Variants in BAHD1 observed in about 807,000 individuals in gnomAD.
The protein encoded by BAHD1 is bromo adjacent homology domain containing 1, also known as bromo adjacent homology domain-containing 1 protein.
Under a neutral mutation model 63.1 loss-of-function variants are expected in BAHD1, and 20 were observed. That is an observed-to-expected ratio of 0.32 (90% CI 0.22 to 0.46). BAHD1 has a LOEUF of 0.46. BAHD1 is among the 20% of genes least tolerant of loss of function. BAHD1 has a pLI of 1.00. For synonymous variants in BAHD1, 408 were observed against 426.8 expected (o/e 0.96, Z 0.54); for missense variants, 939 against 1,071.8 (o/e 0.88, Z 1.73).
chr15:40,440,180 G>C (rs1474248355), upstream of BAHD1, among the ~76,000 whole-genome samples: 1 of 152,190 alleles, frequency 6.6e-6, no homozygotes, highest in African/African-American at 2.4e-5. Flanking sequence ...TTCTGAAGAG[G>C]GTGAATTAGG....
upstream of BAHD1, among the ~76,000 whole-genome samples, chr15:40,437,796 G>A (rs1327585413): frequency 6.6e-6 from 1 of 152,184 alleles, no homozygotes; most frequent in East Asian, 1.9e-4. Context: ...GACTGCAGCG[G>A]GCAGTGGCGG....
At chr15:40,444,383 G>A (rs1176843548) in intron 1 of BAHD1, among the ~76,000 whole-genome samples, 1 of 152,120 alleles carries the variant, frequency 6.6e-6, no homozygotes, top group Admixed American at 6.5e-5. Context: ...GAGTCCTATG[G>A]ATTGCTTATG....
At chr15:40,451,169 A>T (rs564475353) in intron 1 of BAHD1, among the ~76,000 whole-genome samples, 1 of 150,490 alleles carries the variant, frequency 6.6e-6, no homozygotes, top group East Asian at 1.9e-4. Context: ...AAAAAAAAAA[A>T]AAACTTTAGC....
At chr15:40,439,964 A>G, upstream of BAHD1, 1 of 152,226 alleles carries the variant, frequency 6.6e-6, no homozygotes, top group African/African-American at 2.4e-5. Flanking sequence ...GGGGGAAGCC[A>G]GGTAAGTGTC....
chr15:40,458,063 G>A lies in BAHD1; in HGVS notation c.-14-388G>A, dbSNP rs1169746535. On this transcript the variant is annotated intron_variant, in intron 1 of 6. Transcript: ENST00000416165. The surrounding 1 kb of genome is among the most constrained non-coding windows in gnomAD (Gnocchi z 4.7). ...TACCACCCAGTCCCCCATCTTGGGA[G>A]GCTCTGTCTTCAGAGCCTCTTCCTA... 1.3e-5 allele frequency among the ~76,000 whole-genome samples: 2 copies of A among 152,136 alleles called. No individual in the cohort carries two copies. The highest frequency in any genetic ancestry group is 4.8e-5 in the African/African-American group (2 of 41,424).
chr15:40,464,410 C>A, intron 4 of BAHD1, 61 bp from the exon 5 acceptor site: 1 of 1,449,714 alleles, frequency 6.9e-7, no homozygotes, highest in South Asian at 1.2e-5. Flanking sequence ...GCCAGCCTCT[C>A]TGCCTGTCTA....
intron 1 of BAHD1, among the ~76,000 whole-genome samples, chr15:40,446,772 C>G (rs563422814): frequency 1.3e-5 from 2 of 152,262 alleles, no homozygotes; most frequent in African/African-American, 4.8e-5. Flanking sequence ...AAAAGAGGTG[C>G]TTTGACCTCC....
chr15:40,458,865 G>A lies in BAHD1; in HGVS notation c.401G>A (p.Arg134Gln), dbSNP rs768174255. Residue 134 changes from arginine (R) to glutamine (Q), a missense_variant, in exon 2 of 7, where the codon CGA (arginine) becomes CAA (glutamine). Around this residue, in one of 5 missense-constraint regions of BAHD1, gnomAD observed 797 missense variants for 813.3 expected, o/e 0.98. Transcript: ENST00000416165. The surrounding 1 kb of genome is among the most constrained non-coding windows in gnomAD (Gnocchi z 4.7). ...AEALNNLLLE[R>Q]EDTSSLAGTR... is the part of the protein sequence containing the mutation. The stretch of plus-strand genomic sequence containing the variant: ...GCTCTCAATAACCTGCTGCTGGAGC[G>A]AGAGGACACCAGCAGCCTGGCAGGC... 1.4e-5 allele frequency: 23 copies of A among 1,605,170 alleles called. No homozygotes were observed. The highest frequency in any genetic ancestry group is 2.2e-5 in the South Asian group (2 of 90,150).
chr15:40,465,514 C>T (rs959432322), intron 6 of BAHD1, 79 bp downstream of exon 6: 21 of 1,102,728 alleles, frequency 1.9e-5, no homozygotes, highest in Admixed American at 1.3e-4. Flanking sequence ...TGGAATTCCC[C>T]GAGAGGATCT....
intron 3 of BAHD1, among the ~76,000 whole-genome samples, chr15:40,463,065 G>C (rs957402946): frequency 6.6e-6 from 1 of 152,162 alleles, no homozygotes; most frequent in Non-Finnish European, 1.5e-5. Context: ...GCTTTCAGAG[G>C]CTGATGCTAG....
chr15:40,438,059 C>T (rs1429989201), upstream of BAHD1, among the ~76,000 whole-genome samples: 1 of 152,192 alleles, frequency 6.6e-6, no homozygotes, highest in Non-Finnish European at 1.5e-5. Context: ...CTTTCTACAC[C>T]AAGTGCCAAA....
Position 40,458,657 on chromosome 15 carries a change from G to A in BAHD1, c.193G>A (p.Glu65Lys). The A allele has an allele frequency of 6.2e-7, 1 of 1,613,894 alleles. No homozygotes were observed. The highest frequency in any genetic ancestry group is 8.5e-7 in the Non-Finnish European group (1 of 1,179,898). The change falls in exon 2 of 7, where the codon GAG (glutamate) becomes AAG (lysine). Residue 65 changes from glutamate to lysine, a missense_variant. Physicochemically the swap from Glu to Lys is moderately conservative, Grantham distance 56. Around this residue, in one of 5 missense-constraint regions of BAHD1, gnomAD observed 797 missense variants for 813.3 expected, o/e 0.98. Transcript: ENST00000416165. The surrounding 1 kb of genome is among the most constrained non-coding windows in gnomAD (Gnocchi z 4.7). The part of the protein sequence containing the change: ...YPLRKRPLVP[E>K]KPKACKVLLT... ...ACTTCGTAAGCGCCCATTGGTTCCT[G>A]AGAAGCCCAAGGCCTGCAAAGTGCT... is the stretch of plus-strand genomic sequence containing the variant.
At position 40,464,553 on chromosome 15, in the gene BAHD1, C is replaced by A. The variant is rs773498445; in HGVS notation, c.2052+6C>A. ...GCAGTCCCAGCATGCACGAGGTGAG[C>A]TGCCTGGCAGATGGGTCAGGGAGGG... On this transcript the variant is annotated splice_donor_region_variant and intron_variant, in intron 5 of 6. Coordinates refer to ENST00000416165, the MANE Select transcript of BAHD1 (RefSeq NM_014952.5). 1 of 1,611,676 alleles carries A rather than the reference C, an allele frequency of 6.2e-7. No individual in the cohort carries two copies. The highest frequency in any genetic ancestry group is 1.3e-5 in the African/African-American group (1 of 74,890).
chr15:40,465,392 A>G lies in BAHD1; in HGVS notation c.2110A>G (p.Ile704Val). 4.3e-6 allele frequency: 7 copies of G among 1,614,196 alleles called. No individual in the cohort carries two copies. Among genetic ancestry groups the G allele is most frequent in the Non-Finnish European group, 5.9e-6 (7 of 1,180,036 alleles). Reference protein sequence around the residue: ...RHQDQNSVACIEEKCYVLTFA... With the variant: ...RHQDQNSVACVEEKCYVLTFA... ...TCAGGACCAGAACAGTGTGGCCTGC[A>G]TTGAGGAGAAGTGCTATGTGCTGAC... The change falls in exon 6 of 7, where the codon ATT becomes GTT. Residue 704 changes from isoleucine (I) to valine (V), a missense_variant. Ile to Val is a conservative substitution (Grantham distance 29). Coordinates refer to ENST00000416165, the MANE Select transcript of BAHD1 (RefSeq NM_014952.5).
At chr15:40,438,863 G>A (rs574687305), upstream of BAHD1, among the ~76,000 whole-genome samples, 209 of 152,306 alleles carry the variant, frequency 1.4e-3, no homozygotes, top group Middle Eastern at 3.4e-3. Context: ...CAAGGTCAGC[G>A]CCGCCTGGGC....
chr15:40,464,094 G>A, intron 4 of BAHD1, 74 bp downstream of exon 4: 1 of 1,539,568 alleles, frequency 6.5e-7, no homozygotes, highest in Non-Finnish European at 8.9e-7. Context: ...ATTGGCCCCT[G>A]CCTGGAGTTT....
chr15:40,437,785 G>A (rs1341517387), upstream of BAHD1, among the ~76,000 whole-genome samples: 1 of 152,206 alleles, frequency 6.6e-6, no homozygotes, highest in Non-Finnish European at 1.5e-5. Context: ...CGGTCTTCGG[G>A]GACTGCAGCG....
chr15:40,445,426 C>A (rs1362880661), intron 1 of BAHD1, among the ~76,000 whole-genome samples: 1 of 152,202 alleles, frequency 6.6e-6, no homozygotes, highest in Non-Finnish European at 1.5e-5. Flanking sequence ...AAATTATTTT[C>A]ATTCCTCCTC....
intron 1 of BAHD1, among the ~76,000 whole-genome samples, chr15:40,451,183 T>C (rs1360281790): frequency 1.3e-5 from 2 of 152,074 alleles, no homozygotes; most frequent in Admixed American, 6.5e-5. Context: ...CTTTAGCTTT[T>C]GTTTGTCACC....
Sources: allele counts gnomAD v4.1 joint callset (sites outside exome capture counted in the v4.1 genomes callset), GRCh38; gene constraint gnomAD v4.1.1; regional missense constraint gnomAD v4.1.1; non-coding constraint Gnocchi (gnomAD v3.1); transcripts MANE v1.5; gene names NCBI Gene and HGNC (gene_info 2026-07-23, HGNC 2026-07-21).